Variants in LMNB2 observed in about 807,000 individuals in gnomAD.
The protein encoded by LMNB2 is lamin-B2.
Under a neutral mutation model 69.3 loss-of-function variants are expected in LMNB2, and 17 were observed. The ratio of observed to expected loss-of-function variants is 0.25; its 90% CI spans 0.17 to 0.37. The LOEUF is 0.37. LMNB2 is among the 10% of genes least tolerant of loss of function. LMNB2 has a pLI of 1.00. For missense variants in LMNB2, 789 were observed against 883.6 expected, an observed-to-expected ratio of 0.89 and a Z score of 1.36; for synonymous variants, 397 against 389.3, an observed-to-expected ratio of 1.02 and a Z score of -0.23.
At chr19:2,448,512 C>A (rs1362682076) in intron 1 of LMNB2, among the ~76,000 whole-genome samples, 1 of 152,234 alleles carries the variant, frequency 6.6e-6, no homozygotes, top group African/African-American at 2.4e-5. Flanking sequence ...CGCACAGAGG[C>A]ATGCTGAGCA....
intron 1 of LMNB2, among the ~76,000 whole-genome samples, chr19:2,450,074 C>CA (rs1176898925): frequency 7.4e-6 from 1 of 134,552 alleles, no homozygotes; most frequent in Non-Finnish European, 1.6e-5. Flanking sequence ...AACTCCGTCT[C>CA]AAAAAAAAGA....
Position 2,456,720 on chromosome 19 carries a change from C to G in LMNB2, c.214G>C (p.Asp72His). ...TCTGAGATCTTGAGCAGGAGCCGGT[C>G]GTTCTCCAGCTCCAGCGCGCGGACG... Reference protein sequence around the residue: ...DRVRALELENDRLLLKISEKE... With the variant: ...DRVRALELENHRLLLKISEKE... Residue 72 changes from aspartate to histidine, a missense_variant, in exon 1 of 12, where the codon GAC becomes CAC. Coordinates refer to ENST00000325327, the MANE Select transcript of LMNB2 (RefSeq NM_032737.4). 1 of 1,564,752 alleles carries G rather than the reference C, an allele frequency of 6.4e-7. No homozygotes were observed. The highest frequency in any genetic ancestry group is 1.2e-5 in the South Asian group (1 of 86,674).
intron 4 of LMNB2, among the ~76,000 whole-genome samples, chr19:2,437,774 T>G (rs971884036): frequency 1.5e-5 from 2 of 135,878 alleles, no homozygotes; most frequent in African/African-American, 6.0e-5. Flanking sequence ...CACTCCAGCA[T>G]GGGTGACAGA....
Position 2,434,099 on chromosome 19 carries a change from C to G in LMNB2, c.1209G>C (p.Lys403Asn). Reference sequence around the variant, plus strand: ...CGCGCGAGGATGGGCTGGGGGACAGCTTCAGCCTGTGGGGAAGGCAAGGAA... The same window carrying G: ...CGCGCGAGGATGGGCTGGGGGACAGGTTCAGCCTGTGGGGAAGGCAAGGAA... ...KLLEGEEERL[K>N]LSPSPSSRVT... The change falls in exon 8 of 12, where the codon AAG (lysine) becomes AAC (asparagine). Residue 403 changes from lysine to asparagine, a missense_variant. Lys to Asn is a moderately conservative substitution (Grantham distance 94). Transcript: ENST00000325327. 1 of 1,585,386 alleles carries G rather than the reference C, an allele frequency of 6.3e-7. No homozygotes were observed. The highest frequency in any genetic ancestry group is 1.1e-5 in the South Asian group (1 of 88,558).
chr19:2,449,982 G>A (rs1374221191), intron 1 of LMNB2, among the ~76,000 whole-genome samples: 6 of 152,034 alleles, frequency 3.9e-5, no homozygotes, highest in Non-Finnish European at 5.9e-5. Flanking sequence ...GGCTGAGGCA[G>A]GAGAATCGCT....
rs201250275 is a variant in LMNB2, at chr19:2,435,113, C to T, written c.743G>A (p.Arg248Gln). Residue 248 changes from arginine to glutamine, a missense_variant, in exon 5 of 12, where the codon CGG (arginine) becomes CAG (glutamine). Arg to Gln is a conservative substitution (Grantham distance 43, BLOSUM62 1). Around this residue, in one of 3 missense-constraint regions of LMNB2, gnomAD observed 609 missense variants for 630.9 expected, o/e 0.97. Transcript: ENST00000325327. Reference protein sequence around the residue: ...ERRLVEVDSSRQQEYDFKMAQ... With the variant: ...ERRLVEVDSSQQQEYDFKMAQ... ...CATCTTGAAGTCGTACTCCTGCTGC[C>T]GGCTGCTGTCCACCTCCACCAGGCG... is the stretch of plus-strand genomic sequence containing the variant. 2.7e-5 allele frequency: 44 copies of T among 1,608,682 alleles called. No homozygotes were observed. The highest frequency in any genetic ancestry group is 2.5e-5 in the Non-Finnish European group (30 of 1,179,756).
chr19:2,449,989 C>G (rs141650272), intron 1 of LMNB2, among the ~76,000 whole-genome samples: 1 of 151,884 alleles, frequency 6.6e-6, no homozygotes, highest in Non-Finnish European at 1.5e-5. Context: ...GCAGGAGAAT[C>G]GCTTGAACCA....
At chr19:2,451,689 C>T (rs747011363) in intron 1 of LMNB2, among the ~76,000 whole-genome samples, 7 of 152,206 alleles carry the variant, frequency 4.6e-5, no homozygotes, top group African/African-American at 7.2e-5. Context: ...ACATGTGGGC[C>T]TGGCAGGGCT....
At chr19:2,432,018 A>T in intron 9 of LMNB2, 116 bp from the exon 10 acceptor site, 1 of 1,323,428 alleles carries the variant, frequency 7.6e-7, no homozygotes, top group African/African-American at 1.5e-5. Flanking sequence ...CAGTCCTTCC[A>T]GCCCGACGCA....
chr19:2,446,366 C>A (rs966320059), intron 1 of LMNB2, among the ~76,000 whole-genome samples: 1 of 151,922 alleles, frequency 6.6e-6, no homozygotes, highest in Non-Finnish European at 1.5e-5. Flanking sequence ...CTAAGCCCCG[C>A]GCAAAGCCCC....
At chr19:2,431,426 G>T in intron 11 of LMNB2, 122 bp downstream of exon 11, 2 of 1,289,710 alleles carry the variant, frequency 1.6e-6, no homozygotes, top group Non-Finnish European at 2.2e-6. Flanking sequence ...TTCACCCTGA[G>T]CCACGGCAGC....
intron 1 of LMNB2, among the ~76,000 whole-genome samples, chr19:2,454,185 C>A (rs577797427): frequency 6.7e-6 from 1 of 150,042 alleles, no homozygotes. Context: ...CCCAGCTACT[C>A]GGGAGACGGG....
In LMNB2 at chr19:2,432,488, C is replaced by T; in HGVS notation, c.1518G>A (p.Gln506=). 1 of 1,613,958 alleles carries T rather than the reference C, an allele frequency of 6.2e-7. No homozygotes were observed. Among genetic ancestry groups the T allele is most frequent in the Non-Finnish European group, 8.5e-7 (1 of 1,179,940 alleles). ...QSLGNWRIKR[Q]VLEGEEIAYK... Reference sequence around the variant, plus strand: ...AGGCGATCTCCTCCCCCTCCAAGACCTGCCTCTTGATTCTCCAGTTCCCCA... The same window carrying T: ...AGGCGATCTCCTCCCCCTCCAAGACTTGCCTCTTGATTCTCCAGTTCCCCA... Residue 506 remains glutamine (Q), a synonymous_variant, in exon 9 of 12, where the codon CAG becomes CAA. Transcript: ENST00000325327.
intron 6 of LMNB2, 127 bp from the exon 7 acceptor site, chr19:2,434,642 C>T: frequency 8.7e-6 from 13 of 1,497,334 alleles, no homozygotes; most frequent in Non-Finnish European, 1.2e-5. Context: ...GCATGGGGCG[C>T]ACGGGAGGGG....
intron 7 of LMNB2, 81 bp from the exon 8 acceptor site, chr19:2,434,186 G>A (rs951587292): frequency 1.2e-4 from 177 of 1,535,010 alleles, no homozygotes; most frequent in Middle Eastern, 9.1e-4. Flanking sequence ...GCCACGGCCC[G>A]GCCCCACCTC....
intron 1 of LMNB2, among the ~76,000 whole-genome samples, chr19:2,449,155 C>T (rs1568208270): frequency 6.6e-6 from 1 of 152,218 alleles, no homozygotes; most frequent in Non-Finnish European, 1.5e-5. Flanking sequence ...CCCCAGCCTC[C>T]CAAAGTACTG....
chr19:2,439,859 G>A (rs1053402138), intron 2 of LMNB2, among the ~76,000 whole-genome samples: 1 of 151,100 alleles, frequency 6.6e-6, no homozygotes, highest in Non-Finnish European at 1.5e-5. Context: ...TCAGCCTCCT[G>A]TGTAGCTGGG....
intron 2 of LMNB2, among the ~76,000 whole-genome samples, chr19:2,442,708 C>G (rs754459923): frequency 4.6e-5 from 7 of 152,148 alleles, no homozygotes; most frequent in Admixed American, 6.6e-5. Flanking sequence ...GATTGTGCCA[C>G]TGAGCTCCAG....
In LMNB2 at chr19:2,431,864, G is replaced by C. The variant is rs149126950; in HGVS notation, c.1629C>G (p.Pro543=). 54 of 1,612,892 alleles carry C rather than the reference G, an allele frequency of 3.3e-5. No homozygotes were observed. In the African/African-American group the frequency reaches 5.2e-4, roughly 16 times the overall value. The change falls in exon 10 of 12, where the codon CCC becomes CCG. Residue 543 remains proline, a synonymous_variant. Transcript: ENST00000325327. ...TCTGGCCCTTCCACACCAGCGTCGA[G>C]GGGGGGCTGTGGGCCACCCCCGCAC... ...AAGAGVAHSP[P]STLVWKGQSS... is the part of the protein sequence containing the mutation.
Sources: allele counts gnomAD v4.1 joint callset (sites outside exome capture counted in the v4.1 genomes callset), GRCh38; gene constraint gnomAD v4.1.1; regional missense constraint gnomAD v4.1.1; transcripts MANE v1.5; gene names NCBI Gene and HGNC (gene_info 2026-07-23, HGNC 2026-07-21).